The following CORIN variants were observed in gnomAD, a reference collection of about 807,000 sequenced individuals.
CORIN encodes the protein atrial natriuretic peptide-converting enzyme.
CORIN carries 117 observed loss-of-function variants against 125.3 expected under a neutral mutation model. The observed-to-expected ratio is 0.93, with a 90% CI of 0.80 to 1.09. The LOEUF is 1.09. CORIN is among the 50% of genes least tolerant of loss of function. The pLI, the probability that CORIN is intolerant of heterozygous loss-of-function variation, is 0.00. For synonymous variants in CORIN, 450 were observed against 466.4 expected (o/e 0.96, Z 0.45); for missense variants, 1,253 against 1,306.7 (o/e 0.96, Z 0.63).
At chr4:47,816,230 A>G (rs926906551) in intron 1 of CORIN, among the ~76,000 whole-genome samples, 4 of 152,196 alleles carry the variant, frequency 2.6e-5, no homozygotes, top group African/African-American at 7.2e-5. Context: ...ACAAGTAATG[A>G]TGTTATGCAT....
At chr4:47,738,140 C>T (rs1728215032) in intron 5 of CORIN, among the ~76,000 whole-genome samples, 1 of 152,084 alleles carries the variant, frequency 6.6e-6, no homozygotes, top group South Asian at 2.1e-4. Flanking sequence ...TAATACATTG[C>T]TGAGAATCTA....
Position 47,600,231 on chromosome 4 carries a change from T to C in CORIN, c.2929A>G (p.Thr977Ala), listed in dbSNP as rs1436558595. 2 of 1,613,334 alleles carry C rather than the reference T, an allele frequency of 1.2e-6. No homozygotes were observed. Among genetic ancestry groups the C allele is most frequent in the East Asian group, 4.5e-5 (2 of 44,874 alleles). The change falls in exon 21 of 22, where the codon ACA (threonine) becomes GCA (alanine). Residue 977 changes from threonine to alanine, a missense_variant. Thr to Ala is a moderately conservative substitution (Grantham distance 58). Transcript: ENST00000273857. ...RMICAGYESG[T>A]VDSCMGDSGG... ...CAACTTACCATGCATGAATCAACTGTGCCAGACTCATAGCCAGCACATATC... is the reference window on the plus strand; with the variant it reads ...CAACTTACCATGCATGAATCAACTGCGCCAGACTCATAGCCAGCACATATC...
At chr4:47,816,980 T>TAC (rs1194597114) in intron 1 of CORIN, among the ~76,000 whole-genome samples, 1 of 152,178 alleles carries the variant, frequency 6.6e-6, no homozygotes, top group Non-Finnish European at 1.5e-5. Context: ...TATTGAGCAA[T>TAC]ACGGTGTGGT....
intron 19 of CORIN, among the ~76,000 whole-genome samples, chr4:47,609,752 T>C (rs1721801887): frequency 6.6e-6 from 1 of 152,196 alleles, no homozygotes; most frequent in African/African-American, 2.4e-5. Context: ...ATGCTCTTCC[T>C]CACCCACCCC....
At chr4:47,667,885 T>C (rs1724554855) in intron 10 of CORIN, among the ~76,000 whole-genome samples, 1 of 152,184 alleles carries the variant, frequency 6.6e-6, no homozygotes, top group African/African-American at 2.4e-5. Flanking sequence ...ATTCATATGT[T>C]GAAATCCTAA....
intron 2 of CORIN, among the ~76,000 whole-genome samples, chr4:47,804,663 T>G (rs1731687872): frequency 7.7e-6 from 1 of 130,678 alleles, no homozygotes; most frequent in Non-Finnish European, 1.5e-5. Flanking sequence ...TCAAAACAAT[T>G]GAACTCATGG....
intron 21 of CORIN, among the ~76,000 whole-genome samples, chr4:47,597,586 A>G (rs185800415): frequency 4.6e-5 from 7 of 152,292 alleles, no homozygotes; most frequent in African/African-American, 1.7e-4. Context: ...ATTTCCTGGA[A>G]ACATTTCACA....
intron 3 of CORIN, among the ~76,000 whole-genome samples, chr4:47,775,695 T>G (rs963687296): frequency 6.6e-6 from 1 of 151,954 alleles, no homozygotes; most frequent in Admixed American, 6.5e-5. Context: ...AGGGAGAAAG[T>G]TGGCACCTGT....
rs1201443446 is a variant in CORIN, at chr4:47,784,094, G to A, written c.409+2631C>T. On this transcript the variant is annotated intron_variant, in intron 3 of 21. Transcript: ENST00000273857. ...TTTCTCTAAGCCTCAAATTCACACCGTGAAAAATGGGGTATGCTACTACCT... is the reference window on the plus strand; with the variant it reads ...TTTCTCTAAGCCTCAAATTCACACCATGAAAAATGGGGTATGCTACTACCT... Among the ~76,000 whole-genome samples the A allele has an allele frequency of 5.9e-5, 9 of 151,996 alleles. No homozygotes were observed. In the South Asian group the frequency reaches 6.2e-4, roughly 11 times the overall value.
chr4:47,727,770 G>T (rs1000476420), intron 5 of CORIN, among the ~76,000 whole-genome samples: 5 of 151,956 alleles, frequency 3.3e-5, no homozygotes, highest in Admixed American at 3.3e-4. Context: ...TGGGATTTAG[G>T]TTTCACTAGA....
At chr4:47,708,597 A>G (rs1726689607) in intron 5 of CORIN, among the ~76,000 whole-genome samples, 1 of 152,054 alleles carries the variant, frequency 6.6e-6, no homozygotes, top group African/African-American at 2.4e-5. Flanking sequence ...CAGGTGCCTT[A>G]ATATCTTATT....
At chr4:47,638,016 A>G (rs1049415871) in intron 16 of CORIN, among the ~76,000 whole-genome samples, 9 of 152,206 alleles carry the variant, frequency 5.9e-5, no homozygotes, top group African/African-American at 1.9e-4. Flanking sequence ...GACCCATGGG[A>G]ACCCACTTTT....
chr4:47,836,740 G>A (rs1021630792), intron 1 of CORIN, among the ~76,000 whole-genome samples: 2 of 152,188 alleles, frequency 1.3e-5, no homozygotes, highest in Non-Finnish European at 2.9e-5. Flanking sequence ...CAGGAACCGG[G>A]AGCCGTGCAA....
chr4:47,791,960 G>T (rs1213635714), intron 2 of CORIN, among the ~76,000 whole-genome samples: 1 of 152,184 alleles, frequency 6.6e-6, no homozygotes, highest in Non-Finnish European at 1.5e-5. Flanking sequence ...TATGGTACAA[G>T]TGCTTTGAGA....
intron 4 of CORIN, among the ~76,000 whole-genome samples, chr4:47,752,419 A>G (rs942261375): frequency 3.9e-5 from 6 of 152,026 alleles, no homozygotes; most frequent in African/African-American, 9.7e-5. Flanking sequence ...CGCAGAGGTG[A>G]CTCCTGCCTG....
intron 6 of CORIN, among the ~76,000 whole-genome samples, chr4:47,691,458 T>A (rs1450795456): frequency 1.3e-5 from 2 of 152,110 alleles, no homozygotes; most frequent in Non-Finnish European, 2.9e-5. Flanking sequence ...GAAAAGAAAA[T>A]TCCAAGTCGT....
chr4:47,626,559 C>T, intron 16 of CORIN, 38 bp from the exon 17 acceptor site: 1 of 1,262,482 alleles, frequency 7.9e-7, no homozygotes, highest in Non-Finnish European at 1.2e-6. Flanking sequence ...ATTCAAAGTA[C>T]AATGATCTTT....
At chr4:47,721,642 C>CAGCATGTA (rs1308024784) in intron 5 of CORIN, among the ~76,000 whole-genome samples, 6 of 152,140 alleles carry the variant, frequency 3.9e-5, no homozygotes, top group Admixed American at 3.9e-4. Context: ...GTTACGGTTT[C>CAGCATGTA]AGCATGTAAA....
Position 47,594,897 on chromosome 4 carries a change from C to T in CORIN, c.*824G>A, listed in dbSNP as rs1308833947. On this transcript the variant is annotated 3_prime_UTR_variant, in exon 22 of 22. Transcript: ENST00000273857. Reference sequence around the variant, plus strand: ...CTATGAGGACAGTTCTATAGAGACTCTTCTATAAAATTATGATCTTGATAT... The same window carrying T: ...CTATGAGGACAGTTCTATAGAGACTTTTCTATAAAATTATGATCTTGATAT... 6.6e-6 allele frequency: 1 copy of T among 152,100 alleles called. No homozygotes were observed. The highest frequency in any genetic ancestry group is 2.4e-5 in the African/African-American group (1 of 41,426). 9.4% of individuals were successfully genotyped at this position (152,100 alleles called of 1,614,324 possible).
Sources: allele counts gnomAD v4.1 joint callset (sites outside exome capture counted in the v4.1 genomes callset), GRCh38; gene constraint gnomAD v4.1.1; transcripts MANE v1.5; gene names NCBI Gene and HGNC (gene_info 2026-07-23, HGNC 2026-07-21).